DYNC1I1: variants seen among roughly 807,000 people sequenced by gnomAD.
DYNC1I1 encodes dynein cytoplasmic 1 intermediate chain 1.
In DYNC1I1, 43 loss-of-function variants were observed where a neutral mutation model predicts 86.6. The ratio of observed to expected loss-of-function variants is 0.50; its 90% confidence interval spans 0.39 to 0.64. The LOEUF is 0.64. Ranked by LOEUF, DYNC1I1 falls within the 30% of genes least tolerant of loss-of-function variation. DYNC1I1 has a pLI of 0.00. For synonymous variants in DYNC1I1, 262 were observed against 283.7 expected (o/e 0.92, Z 0.77); for missense variants, 604 against 788.8 (o/e 0.77, Z 2.81).
chr7:95,818,734 T>G, intron 4 of DYNC1I1: 1 of 423,696 alleles, frequency 2.4e-6, no homozygotes, highest in Non-Finnish European at 4.2e-6. Flanking sequence ...AATAAAAACA[T>G]CATGTTTCCA....
intron 6 of DYNC1I1, among the ~76,000 whole-genome samples, chr7:95,944,283 A>G (rs1227372465): frequency 1.3e-5 from 2 of 152,250 alleles, no homozygotes; most frequent in Non-Finnish European, 2.9e-5. Context: ...AATGCTCACC[A>G]TCACTGGCCA....
chr7:95,911,358 A>T (rs991260496), intron 6 of DYNC1I1, among the ~76,000 whole-genome samples: 3 of 152,150 alleles, frequency 2.0e-5, no homozygotes, highest in Non-Finnish European at 1.5e-5. Flanking sequence ...GAGGCAGATT[A>T]TTGGAGTGGG....
chr7:95,784,736 G>T (rs1424293274), intron 1 of DYNC1I1, among the ~76,000 whole-genome samples: 1 of 152,238 alleles, frequency 6.6e-6, no homozygotes, highest in East Asian at 1.9e-4. Context: ...GAGGTAGGGA[G>T]TTCCCAATGC....
At chr7:96,102,903 C>A (rs1429715077), downstream of DYNC1I1, among the ~76,000 whole-genome samples, 1 of 152,166 alleles carries the variant, frequency 6.6e-6, no homozygotes, top group Non-Finnish European at 1.5e-5. Context: ...ATAAACTTAA[C>A]TACACATCCA....
At chr7:95,815,596 A>T (rs984411108) in intron 4 of DYNC1I1, among the ~76,000 whole-genome samples, 2 of 152,172 alleles carry the variant, frequency 1.3e-5, no homozygotes, top group Admixed American at 6.5e-5. Flanking sequence ...AGTTTTTTTA[A>T]ATTCCACTTT....
intron 10 of DYNC1I1, among the ~76,000 whole-genome samples, chr7:96,004,929 T>C (rs1242274455): frequency 6.6e-6 from 1 of 152,226 alleles, no homozygotes; most frequent in African/African-American, 2.4e-5. Flanking sequence ...CTATCCTGTC[T>C]ATCAGAAAAA....
intron 2 of DYNC1I1, among the ~76,000 whole-genome samples, chr7:95,807,733 T>C (rs778512818): frequency 7.2e-5 from 11 of 152,174 alleles, no homozygotes; most frequent in Non-Finnish European, 1.6e-4. Context: ...TCATCTCAAA[T>C]GTCACTTTCC....
chr7:95,783,211 T>C (rs1030718493), intron 1 of DYNC1I1, among the ~76,000 whole-genome samples: 1 of 152,146 alleles, frequency 6.6e-6, no homozygotes, highest in South Asian at 2.1e-4. Flanking sequence ...AAATATAAAA[T>C]GCATTTGCAT....
intron 5 of DYNC1I1, among the ~76,000 whole-genome samples, chr7:95,857,046 G>C (rs748604491): frequency 2.0e-4 from 30 of 152,118 alleles, no homozygotes; most frequent in Non-Finnish European, 2.9e-4. Flanking sequence ...GACATTTGTA[G>C]CTTCTTCATC....
intron 6 of DYNC1I1, among the ~76,000 whole-genome samples, chr7:95,874,946 C>T (rs1269349531): frequency 1.3e-5 from 2 of 152,220 alleles, no homozygotes; most frequent in African/African-American, 4.8e-5. Flanking sequence ...CCTGAGCCTC[C>T]TGACTTCCGG....
intron 6 of DYNC1I1, among the ~76,000 whole-genome samples, chr7:95,947,199 C>T (rs541804166): frequency 6.6e-6 from 1 of 152,246 alleles, no homozygotes; most frequent in South Asian, 2.1e-4. Context: ...TGCAAAATAC[C>T]TAGCGCAGTG....
intron 14 of DYNC1I1, among the ~76,000 whole-genome samples, chr7:96,048,171 T>C (rs1042182228): frequency 3.3e-5 from 5 of 152,202 alleles, no homozygotes; most frequent in African/African-American, 4.8e-5. Flanking sequence ...CTGCATAGAT[T>C]TGAGGACCAG....
At chr7:95,789,210 A>G (rs1185210863) in intron 1 of DYNC1I1, among the ~76,000 whole-genome samples, 2 of 152,238 alleles carry the variant, frequency 1.3e-5, no homozygotes, top group Admixed American at 1.3e-4. Context: ...GGGCCAGGGT[A>G]GGGAATTTGC....
At chr7:95,868,974 T>C (rs1270832600) in intron 5 of DYNC1I1, among the ~76,000 whole-genome samples, 1 of 152,138 alleles carries the variant, frequency 6.6e-6, no homozygotes, top group Non-Finnish European at 1.5e-5. Flanking sequence ...ATTTTTGCAG[T>C]AACTCAAGAA....
At chr7:95,884,721 C>T (rs937352802) in intron 6 of DYNC1I1, among the ~76,000 whole-genome samples, 2 of 151,598 alleles carry the variant, frequency 1.3e-5, no homozygotes, top group Non-Finnish European at 2.9e-5. Context: ...ATAGCTTGAG[C>T]CCAGGAGTTC....
chr7:95,785,775 G>GTATGTATGTATATA, intron 1 of DYNC1I1, among the ~76,000 whole-genome samples: 1 of 124,898 alleles, frequency 8.0e-6, no homozygotes, highest in East Asian at 2.6e-4. Context: ...GTGTGTATGT[G>GTATGTATGTATATA]TATATATATA....
In DYNC1I1 at chr7:96,087,896, A is replaced by G. The variant is rs368051180; in HGVS notation, c.1776+7408A>G. Among the ~76,000 whole-genome samples the G allele has an allele frequency of 9.8e-5, 15 of 152,344 alleles. No individual in the cohort carries two copies. The East Asian group carries it at 2.3e-3, about 24-fold the overall frequency. On this transcript the variant is annotated intron_variant, in intron 16 of 16. Transcript: ENST00000447467. ...CCACTTTGAAATAATATATTAATTC[A>G]TTTGTCATAACAAATTATATGTATT...
intron 12 of DYNC1I1, among the ~76,000 whole-genome samples, chr7:96,035,376 T>C (rs545609259): frequency 2.0e-5 from 3 of 152,312 alleles, no homozygotes; most frequent in African/African-American, 7.2e-5. Flanking sequence ...AATTCTCACC[T>C]GTCATCTTTG....
intron 6 of DYNC1I1, among the ~76,000 whole-genome samples, chr7:95,891,427 A>C (rs1280921481): frequency 2.0e-5 from 3 of 152,162 alleles, no homozygotes; most frequent in Non-Finnish European, 4.4e-5. Context: ...AACAGAGTAA[A>C]ATGCACTCTT....
Sources: allele counts gnomAD v4.1 joint callset (sites outside exome capture counted in the v4.1 genomes callset), GRCh38; gene constraint gnomAD v4.1.1; transcripts MANE v1.5; gene names NCBI Gene and HGNC (gene_info 2026-07-23, HGNC 2026-07-21).